Variants in ABTB2 observed in about 807,000 individuals in gnomAD.
ABTB2 encodes ankyrin repeat and BTB domain containing 2, also known as ankyrin repeat and BTB/POZ domain-containing protein 2.
ABTB2 carries 56 observed loss-of-function variants against 104.1 expected under a neutral mutation model. That is an observed-to-expected ratio of 0.54 (90% confidence interval 0.43 to 0.67). The LOEUF (loss-of-function observed/expected upper bound fraction) is 0.67. Ranked by LOEUF, ABTB2 falls within the 30% of genes least tolerant of loss-of-function variation. The pLI is 0.00. For missense variants in ABTB2, 1,279 were observed against 1,407.7 expected (o/e 0.91, Z 1.46); for synonymous variants, 606 against 608.2 (o/e 1.00, Z 0.05).
At chr11:34,294,570 A>G (rs1453888104) in intron 1 of ABTB2, among the ~76,000 whole-genome samples, 1 of 152,084 alleles carries the variant, frequency 6.6e-6, no homozygotes, top group Non-Finnish European at 1.5e-5. Context: ...AGGCCAGGTG[A>G]AAAGACTTTT....
At chr11:34,165,497 C>A in intron 7 of ABTB2, 141 bp from the exon 8 acceptor site, 3 of 643,918 alleles carry the variant, frequency 4.7e-6, no homozygotes, top group East Asian at 2.8e-5. Context: ...AGCTGAGGAA[C>A]TGGAACTTTA....
In ABTB2 at chr11:34,357,178, G is replaced by T. The variant is rs2133133328; in HGVS notation, c.406C>A (p.Leu136Met). 6.6e-7 allele frequency: 1 copy of T among 1,508,120 alleles called. No individual in the cohort carries two copies. Among genetic ancestry groups the T allele is most frequent in the African/African-American group, 1.4e-5 (1 of 70,714 alleles). The allele number at this position is 1,508,120 out of a possible 1,614,324, so 93.4% of individuals were successfully genotyped here. A position where few individuals can be genotyped will look rare whatever the true frequency, so the allele number is the denominator to read the frequency against. The change falls in exon 1 of 17, where the codon CTG (leucine) becomes ATG (methionine). Residue 136 changes from leucine to methionine, a missense_variant. By Grantham distance (15) the Leu-to-Met change is conservative (BLOSUM62 2). Coordinates refer to ENST00000435224, the MANE Select transcript of ABTB2 (RefSeq NM_145804.3). ...RRLAGLLRRA[L>M]IRVAREAQRL... is the part of the protein sequence containing the mutation. ...TGCGCCTCGCGGGCCACGCGGATCAGTGCCCTGCGGAGCAGCCCGGCCAGG... is the reference window on the plus strand; with the variant it reads ...TGCGCCTCGCGGGCCACGCGGATCATTGCCCTGCGGAGCAGCCCGGCCAGG...
intron 1 of ABTB2, among the ~76,000 whole-genome samples, chr11:34,213,435 G>A (rs940378528): frequency 3.9e-5 from 6 of 152,110 alleles, no homozygotes; most frequent in South Asian, 2.1e-4. Context: ...AGCCGAGATC[G>A]CTGCCACTGC....
intron 1 of ABTB2, among the ~76,000 whole-genome samples, chr11:34,251,240 G>A (rs1854052164): frequency 6.6e-6 from 1 of 152,198 alleles, no homozygotes; most frequent in South Asian, 2.1e-4. Context: ...ATGGGCGTGG[G>A]CTCTGCACCC....
chr11:34,217,437 G>A (rs540740309), intron 1 of ABTB2, among the ~76,000 whole-genome samples: 60 of 152,254 alleles, frequency 3.9e-4, no homozygotes, highest in African/African-American at 1.3e-3. Context: ...ACTGTGCACA[G>A]GTTTTTGTGT....
chr11:34,348,469 G>T (rs765438988), intron 1 of ABTB2, among the ~76,000 whole-genome samples: 5 of 151,990 alleles, frequency 3.3e-5, no homozygotes, highest in African/African-American at 7.3e-5. Flanking sequence ...ACACATATGC[G>T]TTGGCTTCCA....
intron 16 of ABTB2, among the ~76,000 whole-genome samples, chr11:34,153,765 A>G (rs1852581951): frequency 6.6e-6 from 1 of 152,182 alleles, no homozygotes; most frequent in African/African-American, 2.4e-5. Context: ...AGGCGAGGGC[A>G]GTGGAGATGA....
intron 3 of ABTB2, among the ~76,000 whole-genome samples, chr11:34,196,568 G>T (rs536002303): frequency 1.3e-4 from 20 of 152,174 alleles, no homozygotes; most frequent in Admixed American, 3.9e-4. Flanking sequence ...AAAAAGAAAA[G>T]GTATCCTGTC....
chr11:34,265,563 G>GGC (rs1157960682), intron 1 of ABTB2, among the ~76,000 whole-genome samples: 4 of 150,236 alleles, frequency 2.7e-5, no homozygotes, highest in Admixed American at 2.0e-4. Flanking sequence ...GGGAGGCTGA[G>GGC]ACGAGAATCG....
At chr11:34,200,419 C>T (rs9971555) in intron 2 of ABTB2, among the ~76,000 whole-genome samples, 4,035 of 152,270 alleles carry the variant, frequency 0.026, 169 homozygotes, top group African/African-American at 0.091. Context: ...AGAAAAACCA[C>T]GAAGGCAGCT....
intron 3 of ABTB2, among the ~76,000 whole-genome samples, chr11:34,183,291 G>C (rs1853051497): frequency 6.6e-6 from 1 of 152,120 alleles, no homozygotes; most frequent in Non-Finnish European, 1.5e-5. Flanking sequence ...TGTAAGGCGA[G>C]GTTTCACCAT....
chr11:34,164,779 T>G lies in ABTB2; in HGVS notation c.1895A>C (p.Asp632Ala). 6.4e-7 allele frequency: 1 copy of G among 1,568,388 alleles called. No individual in the cohort carries two copies. The highest frequency in any genetic ancestry group is 8.6e-7 in the Non-Finnish European group (1 of 1,164,674). The change falls in exon 9 of 17, where the codon GAC (aspartate) becomes GCC (alanine). Residue 632 changes from aspartate to alanine, a missense_variant. Coordinates refer to ENST00000435224, the MANE Select transcript of ABTB2 (RefSeq NM_145804.3). ...LVSLLLSRGADPLLSMLEAHG... is the reference protein window; with the variant it reads ...LVSLLLSRGAAPLLSMLEAHG... ...GGCCTCCAGCATGCTGAGGAGGGGG[T>G]CGGCGCCTCGGCTCAGCAACAAACT...
At chr11:34,340,286 A>G (rs1018967199) in intron 1 of ABTB2, among the ~76,000 whole-genome samples, 1 of 152,206 alleles carries the variant, frequency 6.6e-6, no homozygotes, top group African/African-American at 2.4e-5. Context: ...GCTGGGAAGC[A>G]ACAATAATGA....
intron 1 of ABTB2, among the ~76,000 whole-genome samples, chr11:34,267,096 A>G (rs1452048398): frequency 2.0e-5 from 3 of 152,230 alleles, no homozygotes. Context: ...GACTCTGTTC[A>G]GAGAAAGAAA....
intron 1 of ABTB2, among the ~76,000 whole-genome samples, chr11:34,242,946 C>A (rs911165144): frequency 3.9e-5 from 6 of 152,102 alleles, no homozygotes; most frequent in Non-Finnish European, 8.8e-5. Context: ...TCAGGCCGGG[C>A]CTGAGGTAAA....
At position 34,357,029 on chromosome 11, in the gene ABTB2, G is replaced by A. The variant is rs1278625062; in HGVS notation, c.555C>T (p.Tyr185=). The part of the protein sequence containing the change: ...ALAAVKALSL[Y]SMSAGDGLRR... ...GCAGCCCGTCGCCGGCGCTCATGCT[G>A]TACAGGGACAGCGCCTTGACGGCTG... The change falls in exon 1 of 17, where the codon TAC becomes TAT. Residue 185 remains tyrosine, a synonymous_variant. Coordinates refer to ENST00000435224, the MANE Select transcript of ABTB2 (RefSeq NM_145804.3). The A allele has an allele frequency of 6.5e-7, 1 of 1,548,564 alleles. No individual in the cohort carries two copies. Among genetic ancestry groups the A allele is most frequent in the South Asian group, 1.2e-5 (1 of 84,944 alleles).
chr11:34,187,479 G>A (rs1226114044), intron 3 of ABTB2, among the ~76,000 whole-genome samples: 3 of 147,174 alleles, frequency 2.0e-5, no homozygotes, highest in Admixed American at 6.9e-5. Context: ...TGGTCTTCTC[G>A]TCTACCTTAT....
chr11:34,325,950 A>AAAAATAAAATAAAATAAAATAAAAT lies in ABTB2; in HGVS notation c.883+30726_883+30750dup, dbSNP rs60780111. Among the ~76,000 whole-genome samples, 635 of 117,942 alleles carry AAAAATAAAATAAAATAAAATAAAAT rather than the reference A, an allele frequency of 5.4e-3. 9 individuals are homozygous for AAAAATAAAATAAAATAAAATAAAAT. Among genetic ancestry groups the AAAAATAAAATAAAATAAAATAAAAT allele is most frequent in the African/African-American group, 0.011 (315 of 29,452 alleles). 77.4% of individuals were successfully genotyped at this position (117,942 alleles called of 152,430 possible). A position where few individuals can be genotyped will look rare whatever the true frequency, so the allele number is the denominator to read the frequency against. ...TGGGCGACAGAGTGAGACAGTCTCAAAAAATAAAATAAAATAAAATAAAAT... is the reference window on the plus strand; with the variant it reads ...TGGGCGACAGAGTGAGACAGTCTCAAAAAATAAAATAAAATAAAATAAAATAAAATAAAATAAAATAAAATAAAAT... On this transcript the variant is annotated intron_variant, in intron 1 of 16. Coordinates refer to ENST00000435224, the MANE Select transcript of ABTB2 (RefSeq NM_145804.3).
intron 1 of ABTB2, among the ~76,000 whole-genome samples, chr11:34,294,736 G>C (rs1179614531): frequency 6.7e-6 from 1 of 148,904 alleles, no homozygotes. Flanking sequence ...TTTTTTTTGA[G>C]ACCGAGTCTC....
Sources: gnomAD v4.1 joint callset for allele counts (sites outside exome capture counted in the v4.1 genomes callset) on GRCh38, gnomAD v4.1.1 for gene constraint, MANE v1.5 for transcripts, NCBI Gene and HGNC (gene_info 2026-07-23, HGNC 2026-07-21) for gene names.